Variants in AGAP1 observed in about 807,000 individuals in gnomAD.
The protein encoded by AGAP1 is arf-GAP with GTPase, ANK repeat and PH domain-containing protein 1.
A neutral mutation model predicts 105.3 loss-of-function variants in AGAP1; 29 were observed. That is an observed-to-expected ratio of 0.28 (90% CI 0.21 to 0.38). The LOEUF is 0.38. Among genes scored for constraint, AGAP1 ranks in the 10% least tolerant of loss-of-function variants. The pLI, the probability that AGAP1 is intolerant of heterozygous loss-of-function variation, is 1.00. For synonymous variants in AGAP1, 509 were observed against 485.9 expected, an observed-to-expected ratio of 1.05 and a Z score of -0.63; for missense variants, 998 against 1,165.1, an observed-to-expected ratio of 0.86 and a Z score of 2.09.
intron 9 of AGAP1, among the ~76,000 whole-genome samples, chr2:235,849,575 C>A (rs896638604): frequency 6.6e-6 from 1 of 152,114 alleles, no homozygotes; most frequent in Non-Finnish European, 1.5e-5. Flanking sequence ...AGCAGAAGCC[C>A]GGGCCCCCTT....
rs983136690 is a variant in AGAP1, at chr2:235,989,222, G to C, written c.1645+20599G>C. Among the ~76,000 whole-genome samples, 1 of 152,150 alleles carries C rather than the reference G, an allele frequency of 6.6e-6. No individual in the cohort carries two copies. Among genetic ancestry groups the C allele is most frequent in the Non-Finnish European group, 1.5e-5 (1 of 68,044 alleles). On this transcript the variant is annotated intron_variant, in intron 13 of 17. Transcript: ENST00000304032. The surrounding 1 kb of genome is among the most constrained non-coding windows in gnomAD (Gnocchi z 4.4). ...TCTTCCCTGGAATTAGATATTTTTC[G>C]TTCAAGCTGCTGACAGGTATTTATT...
At chr2:235,646,940 C>T (rs1947406977) in intron 1 of AGAP1, among the ~76,000 whole-genome samples, 1 of 152,064 alleles carries the variant, frequency 6.6e-6, no homozygotes, top group East Asian at 1.9e-4. Context: ...TGGAGACCAT[C>T]CTGGCTAACA....
rs1950499951 is a variant in AGAP1, at chr2:235,705,645, A to G, written c.164-3534A>G. On this transcript the variant is annotated intron_variant, in intron 1 of 17. Coordinates refer to ENST00000304032, the MANE Select transcript of AGAP1 (RefSeq NM_001037131.3). This position sits in a 1 kb window ranked among gnomAD's most constrained non-coding sequence, Gnocchi z 4.9. ...TTAGCTTTGTATGAGGCAGCATTCCATTTTGACTGGGCGGTAACAGAGTTG... is the reference window on the plus strand; with the variant it reads ...TTAGCTTTGTATGAGGCAGCATTCCGTTTTGACTGGGCGGTAACAGAGTTG... 6.6e-6 allele frequency among the ~76,000 whole-genome samples: 1 copy of G among 152,230 alleles called. No homozygotes were observed. Among genetic ancestry groups the G allele is most frequent in the African/African-American group, 2.4e-5 (1 of 41,454 alleles).
chr2:235,597,553 A>G (rs1945566019), intron 1 of AGAP1, among the ~76,000 whole-genome samples: 1 of 152,194 alleles, frequency 6.6e-6, no homozygotes, highest in Non-Finnish European at 1.5e-5. Flanking sequence ...TGTAAAGGAA[A>G]ACATTGCAAC....
At chr2:235,800,908 A>G (rs1020425041) in intron 8 of AGAP1, among the ~76,000 whole-genome samples, 10 of 152,144 alleles carry the variant, frequency 6.6e-5, no homozygotes, top group Non-Finnish European at 1.3e-4. Context: ...ATTACTGCTG[A>G]CCCAGATGCA....
chr2:235,958,688 A>G lies in AGAP1; in HGVS notation c.1484-9774A>G, dbSNP rs1336607208. ...TTGTCACGTTTTCCACTTGAGCTGAAACTAAATGATTGTAAAATAAGTTAT... is the reference window on the plus strand; with the variant it reads ...TTGTCACGTTTTCCACTTGAGCTGAGACTAAATGATTGTAAAATAAGTTAT... On this transcript the variant is annotated intron_variant, in intron 12 of 17. Coordinates refer to ENST00000304032, the MANE Select transcript of AGAP1 (RefSeq NM_001037131.3). This position sits in a 1 kb window ranked among gnomAD's most constrained non-coding sequence, Gnocchi z 4.1. 6.6e-6 allele frequency among the ~76,000 whole-genome samples: 1 copy of G among 152,112 alleles called. No individual in the cohort carries two copies. The highest frequency in any genetic ancestry group is 1.5e-5 in the Non-Finnish European group (1 of 68,028).
rs1193568670 is a variant in AGAP1, at chr2:235,633,451, A to T, written c.164-75728A>T. Among the ~76,000 whole-genome samples, 1 of 152,144 alleles carries T rather than the reference A, an allele frequency of 6.6e-6. No individual in the cohort carries two copies. The highest frequency in any genetic ancestry group is 1.5e-5 in the Non-Finnish European group (1 of 68,026). ...TCTACTAAAAATACAAAAATTAGCCAGGCATGGTGGCGGGCTCCTGTAATT... is the reference window on the plus strand; with the variant it reads ...TCTACTAAAAATACAAAAATTAGCCTGGCATGGTGGCGGGCTCCTGTAATT... On this transcript the variant is annotated intron_variant, in intron 1 of 17. Transcript: ENST00000304032. This position sits in a 1 kb window ranked among gnomAD's most constrained non-coding sequence, Gnocchi z 4.8.
intron 1 of AGAP1, chr2:235,671,154 G>T: frequency 8.3e-7 from 1 of 1,200,856 alleles, no homozygotes; most frequent in Non-Finnish European, 1.0e-6. Flanking sequence ...CGGGTCGGGA[G>T]CCTGCACGTG....
intron 1 of AGAP1, among the ~76,000 whole-genome samples, chr2:235,687,858 C>CTTT (rs147953084): frequency 8.5e-6 from 1 of 117,286 alleles, no homozygotes. Context: ...TTTTTTTTTT[C>CTTT]TTTTTTTTTT....
At position 235,901,697 on chromosome 2, in the gene AGAP1, A is replaced by G. The variant is rs753748909; in HGVS notation, c.1156-7041A>G. Among the ~76,000 whole-genome samples, 10 of 152,176 alleles carry G rather than the reference A, an allele frequency of 6.6e-5. No individual in the cohort carries two copies. Among genetic ancestry groups the G allele is most frequent in the Non-Finnish European group, 1.0e-4 (7 of 68,036 alleles). On this transcript the variant is annotated intron_variant, in intron 10 of 17. Transcript: ENST00000304032. The surrounding 1 kb of genome is among the most constrained non-coding windows in gnomAD (Gnocchi z 4.3). Reference sequence around the variant, plus strand: ...GAAGTTGGAGACTAGTCTGGCCAACATGGTGAAACCCCATCTCTACTAAAA... The same window carrying G: ...GAAGTTGGAGACTAGTCTGGCCAACGTGGTGAAACCCCATCTCTACTAAAA...
In AGAP1 at chr2:235,889,922, T is replaced by C. The variant is rs1446304036; in HGVS notation, c.1155+6473T>C. On this transcript the variant is annotated intron_variant, in intron 10 of 17. Transcript: ENST00000304032. This position sits in a 1 kb window ranked among gnomAD's most constrained non-coding sequence, Gnocchi z 4.6. ...ACTAAGAAAGCTCCATGAAAGTTTA[T>C]GCCAGTGATAACCTCCAGGCCCCAG... is the stretch of plus-strand genomic sequence containing the variant. Among the ~76,000 whole-genome samples the C allele has an allele frequency of 6.6e-6, 1 of 151,140 alleles. No individual in the cohort carries two copies. The highest frequency in any genetic ancestry group is 2.5e-5 in the African/African-American group (1 of 40,566).
intron 1 of AGAP1, among the ~76,000 whole-genome samples, chr2:235,630,321 C>T (rs902554140): frequency 6.6e-6 from 1 of 152,096 alleles, no homozygotes; most frequent in African/African-American, 2.4e-5. Context: ...TCATCCAATT[C>T]TGCCTCAACC....
intron 1 of AGAP1, among the ~76,000 whole-genome samples, chr2:235,539,014 C>A (rs1001756125): frequency 9.9e-5 from 15 of 151,966 alleles, no homozygotes; most frequent in African/African-American, 3.6e-4. Flanking sequence ...TATATTGTAC[C>A]TTCTTGTTCA....
Position 235,635,030 on chromosome 2 carries a change from G to A in AGAP1, c.164-74149G>A, listed in dbSNP as rs957481072. Among the ~76,000 whole-genome samples the A allele has an allele frequency of 6.6e-6, 1 of 151,902 alleles. No homozygotes were observed. The highest frequency in any genetic ancestry group is 1.5e-5 in the Non-Finnish European group (1 of 68,016). On this transcript the variant is annotated intron_variant, in intron 1 of 17. Transcript: ENST00000304032. The surrounding 1 kb of genome is among the most constrained non-coding windows in gnomAD (Gnocchi z 5.3). ...AGATCTGCATGGAATTTCCTGTGGC[G>A]CTTTCTCAATTCTGGGACCAGTTTT...
In AGAP1 at chr2:236,036,693, C is replaced by T. The variant is rs1380677446; in HGVS notation, c.1778C>T (p.Ser593Leu). 4 of 1,614,048 alleles carry T rather than the reference C, an allele frequency of 2.5e-6. No homozygotes were observed. The highest frequency in any genetic ancestry group is 3.4e-6 in the Non-Finnish European group (4 of 1,180,040). ...IESQILASLQ[S>L]CESSKNKSRL... ...AGCCAGATCCTGGCCAGCCTGCAGT[C>T]GTGCGAGAGCAGCAAGAACAAGGTG... The change falls in exon 14 of 18, where the codon TCG becomes TTG. Residue 593 changes from serine (S) to leucine (L), a missense_variant. This residue lies in a region of AGAP1 where 735 missense variants were observed against 833.4 expected (regional missense o/e 0.88). Coordinates refer to ENST00000304032, the MANE Select transcript of AGAP1 (RefSeq NM_001037131.3). This position sits in a 1 kb window ranked among gnomAD's most constrained non-coding sequence, Gnocchi z 5.7.
chr2:235,746,537 C>T (rs1168392531), intron 5 of AGAP1, among the ~76,000 whole-genome samples: 2 of 151,474 alleles, frequency 1.3e-5, no homozygotes, highest in South Asian at 2.1e-4. Context: ...GAGACAAGGC[C>T]GCACCACCCA....
intron 13 of AGAP1, among the ~76,000 whole-genome samples, chr2:236,024,155 C>G (rs758815217): frequency 1.3e-5 from 2 of 151,344 alleles, no homozygotes; most frequent in Non-Finnish European, 2.9e-5. Context: ...CTCAGCCTCC[C>G]AAGTAGCTGG....
At chr2:236,112,269 A>C (rs1447834825) in intron 16 of AGAP1, among the ~76,000 whole-genome samples, 1 of 152,106 alleles carries the variant, frequency 6.6e-6, no homozygotes, top group Non-Finnish European at 1.5e-5. Context: ...TACAAAAATT[A>C]GCCGGACGTG....
chr2:235,776,651 G>A (rs934168935), intron 6 of AGAP1, among the ~76,000 whole-genome samples: 17 of 152,288 alleles, frequency 1.1e-4, no homozygotes, highest in Middle Eastern at 3.4e-3. Flanking sequence ...GGCGTCACTC[G>A]CTCATGAGCA....
Sources: allele counts gnomAD v4.1 joint callset (sites outside exome capture counted in the v4.1 genomes callset), GRCh38; gene constraint gnomAD v4.1.1; regional missense constraint gnomAD v4.1.1; non-coding constraint Gnocchi (gnomAD v3.1); transcripts MANE v1.5; gene names NCBI Gene and HGNC (gene_info 2026-07-23, HGNC 2026-07-21).